MTMR2: variants seen among roughly 807,000 people sequenced by gnomAD.
MTMR2 encodes phosphatidylinositol-3,5-bisphosphate 3-phosphatase MTMR2.
Under a neutral mutation model 86.9 loss-of-function variants are expected in MTMR2, and 55 were observed. The observed-to-expected ratio is 0.63, with a 90% CI of 0.51 to 0.79. The LOEUF (loss-of-function observed/expected upper bound fraction) is 0.79. Among genes scored for constraint, MTMR2 ranks in the 30% least tolerant of loss-of-function variants. The pLI is 0.00. For missense variants in MTMR2, 659 were observed against 772.3 expected, an observed-to-expected ratio of 0.85 and a Z score of 1.74; for synonymous variants, 241 against 266.8, an observed-to-expected ratio of 0.90 and a Z score of 0.94.
At chr11:95,894,515 G>T (rs923986929) in intron 1 of MTMR2, among the ~76,000 whole-genome samples, 1 of 152,092 alleles carries the variant, frequency 6.6e-6, no homozygotes, top group Admixed American at 6.6e-5. Context: ...GCAAAAGTTC[G>T]AAGGCAAGAA....
At chr11:95,864,789 G>A (rs926051541) in intron 3 of MTMR2, among the ~76,000 whole-genome samples, 8 of 152,060 alleles carry the variant, frequency 5.3e-5, no homozygotes, top group African/African-American at 1.9e-4. Flanking sequence ...TAGAATACAG[G>A]TCCTGCCTTT....
intron 1 of MTMR2, 182 bp downstream of exon 1, chr11:95,923,693 T>C: frequency 7.0e-7 from 1 of 1,432,138 alleles, no homozygotes; most frequent in Non-Finnish European, 9.1e-7. Flanking sequence ...AGTTTTAACC[T>C]CCTTTTCCTC....
In MTMR2 at chr11:95,865,590, C is replaced by A; in HGVS notation, c.262+11G>T. 6.3e-7 allele frequency: 1 copy of A among 1,589,228 alleles called. No homozygotes were observed. Among genetic ancestry groups the A allele is most frequent in the Non-Finnish European group, 8.6e-7 (1 of 1,160,102 alleles). On this transcript the variant is annotated intron_variant, in intron 3 of 14. Transcript: ENST00000346299. The stretch of plus-strand genomic sequence containing the variant: ...GGAGAAGGACATTAAGCAAAAAATA[C>A]CATTACGGACCCATGTCTTTAATAT...
intron 2 of MTMR2, among the ~76,000 whole-genome samples, chr11:95,880,936 T>C (rs1359573249): frequency 6.6e-6 from 1 of 152,112 alleles, no homozygotes; most frequent in African/African-American, 2.4e-5. Context: ...TGGTAAATTT[T>C]AGCACAATCA....
At chr11:95,842,453 G>A (rs1310143396) in intron 11 of MTMR2, among the ~76,000 whole-genome samples, 2 of 152,154 alleles carry the variant, frequency 1.3e-5, no homozygotes, top group Admixed American at 1.3e-4. Flanking sequence ...TTCATCAGGA[G>A]GAACCATATT....
chr11:95,919,132 C>T (rs1591055911), intron 1 of MTMR2, among the ~76,000 whole-genome samples: 1 of 152,262 alleles, frequency 6.6e-6, no homozygotes, highest in African/African-American at 2.4e-5. Flanking sequence ...GCTACTGCAC[C>T]TGGCCTCCAA....
At chr11:95,904,481 C>A (rs1866183345) in intron 1 of MTMR2, among the ~76,000 whole-genome samples, 1 of 152,138 alleles carries the variant, frequency 6.6e-6, no homozygotes, top group African/African-American at 2.4e-5. Flanking sequence ...CATTCTAAAT[C>A]ACAGGATGAG....
At position 95,862,342 on chromosome 11, in the gene MTMR2, G is replaced by A. The variant is rs747198133; in HGVS notation, c.287C>T (p.Pro96Leu). The change falls in exon 4 of 15, where the codon CCA (proline) becomes CTA (leucine). Residue 96 changes from proline to leucine, a missense_variant. Around this residue, in one of 3 missense-constraint regions of MTMR2, gnomAD observed 387 missense variants for 526.3 expected, o/e 0.74. Coordinates refer to ENST00000346299, the MANE Select transcript of MTMR2 (RefSeq NM_016156.6). Reference protein sequence around the residue: ...DMAKDVTYICPFTGAVRGTLT... With the variant: ...DMAKDVTYICLFTGAVRGTLT... ...AGTTCCTCGTACAGCGCCAGTGAAT[G>A]GACATATATAAGTTACATCTTTGGC... 1 of 1,613,844 alleles carries A rather than the reference G, an allele frequency of 6.2e-7. No individual in the cohort carries two copies. The highest frequency in any genetic ancestry group is 8.5e-7 in the Non-Finnish European group (1 of 1,179,930).
At chr11:95,843,946 T>C (rs1013263274) in intron 11 of MTMR2, among the ~76,000 whole-genome samples, 1 of 152,192 alleles carries the variant, frequency 6.6e-6, no homozygotes, top group African/African-American at 2.4e-5. Context: ...AAGGGGGTCC[T>C]GAAACCAAAA....
At chr11:95,880,917 A>G (rs1447286162) in intron 2 of MTMR2, among the ~76,000 whole-genome samples, 1 of 152,096 alleles carries the variant, frequency 6.6e-6, no homozygotes, top group East Asian at 1.9e-4. Context: ...GGAATTTGTC[A>G]CATAAAGTTG....
chr11:95,898,490 G>A (rs1030546416), intron 1 of MTMR2, among the ~76,000 whole-genome samples: 1 of 151,880 alleles, frequency 6.6e-6, no homozygotes, highest in Admixed American at 6.6e-5. Context: ...CACAAGCACA[G>A]CAACAGTGAG....
rs878855016 is a variant in MTMR2, at chr11:95,850,645, TTCA to T, written c.756_758del (p.Asp252del). On this transcript the variant is annotated inframe_deletion, in exon 8 of 15. Coordinates refer to ENST00000346299, the MANE Select transcript of MTMR2 (RefSeq NM_016156.6). ...TGAAGGATGCCACTCTCTTTAATTC[TTCA>T]TCAGGAATATTTGCTGGCACAACCA... 1.2e-6 allele frequency: 2 copies of T among 1,614,050 alleles called. No individual in the cohort carries two copies. The highest frequency in any genetic ancestry group is 1.7e-6 in the Non-Finnish European group (2 of 1,180,008).
At chr11:95,920,262 C>T (rs1181837315) in intron 1 of MTMR2, among the ~76,000 whole-genome samples, 3 of 152,176 alleles carry the variant, frequency 2.0e-5, no homozygotes, top group Non-Finnish European at 2.9e-5. Context: ...GAACAGTTTA[C>T]TGAAGTATGG....
intron 2 of MTMR2, among the ~76,000 whole-genome samples, chr11:95,869,843 A>G (rs1864785413): frequency 7.0e-6 from 1 of 142,456 alleles, no homozygotes; most frequent in South Asian, 2.1e-4. Context: ...ATTCTGCAAC[A>G]GACTAAACTA....
At chr11:95,868,312 GAAAAAGAAA>G (rs1864710678) in intron 2 of MTMR2, among the ~76,000 whole-genome samples, 1 of 105,734 alleles carries the variant, frequency 9.5e-6, no homozygotes, top group Non-Finnish European at 2.1e-5. Flanking sequence ...GAAAGAAAAA[GAAAAAGAAA>G]AAAAAGAAAT....
At chr11:95,864,696 T>TA (rs1358657889) in intron 3 of MTMR2, among the ~76,000 whole-genome samples, 2 of 152,114 alleles carry the variant, frequency 1.3e-5, no homozygotes, top group Non-Finnish European at 2.9e-5. Flanking sequence ...ACTGAGAGGT[T>TA]ATTCAATCAA....
intron 2 of MTMR2, among the ~76,000 whole-genome samples, chr11:95,876,539 A>G (rs1565367872): frequency 1.3e-5 from 2 of 152,332 alleles, no homozygotes; most frequent in East Asian, 1.9e-4. Flanking sequence ...GGCCACATCA[A>G]TAGGTAAGAT....
intron 2 of MTMR2, among the ~76,000 whole-genome samples, chr11:95,882,101 A>G (rs1259797334): frequency 1.3e-5 from 2 of 152,226 alleles, no homozygotes; most frequent in Non-Finnish European, 2.9e-5. Flanking sequence ...TGTGATAGAC[A>G]CTGTTTACTA....
intron 1 of MTMR2, 52 bp downstream of exon 1, chr11:95,923,823 C>T (rs1867025413): frequency 2.0e-6 from 3 of 1,533,958 alleles, no homozygotes; most frequent in South Asian, 1.2e-5. Context: ...AGGTCCCCGG[C>T]CCCTCTCCAT....
Sources: allele counts gnomAD v4.1 joint callset (sites outside exome capture counted in the v4.1 genomes callset), GRCh38; gene constraint gnomAD v4.1.1; regional missense constraint gnomAD v4.1.1; transcripts MANE v1.5; gene names NCBI Gene and HGNC (gene_info 2026-07-23, HGNC 2026-07-21).